Variants in EP300 observed in about 807,000 individuals in gnomAD.
EP300 encodes EP300 lysine acetyltransferase.
A neutral mutation model predicts 264.0 loss-of-function variants in EP300; 31 were observed. The ratio of observed to expected loss-of-function variants is 0.12; its 90% CI spans 0.09 to 0.16. The LOEUF is 0.16. Among genes scored for constraint, EP300 ranks in the 10% least tolerant of loss-of-function variants. The pLI, the probability that EP300 is intolerant of heterozygous loss-of-function variation, is 1.00. For missense variants in EP300, 2,766 were observed against 3,052.9 expected, an observed-to-expected ratio of 0.91 and a Z score of 2.21; for synonymous variants, 1,340 against 1,045.4, an observed-to-expected ratio of 1.28 and a Z score of -5.44.
intron 2 of EP300, among the ~76,000 whole-genome samples, chr22:41,123,985 C>T (rs1348470721): frequency 6.6e-6 from 1 of 152,306 alleles, no homozygotes; most frequent in African/African-American, 2.4e-5. Context: ...CAGTGGCTAA[C>T]GCCTGTAATC....
At chr22:41,103,686 G>T (rs1225133145) in intron 1 of EP300, among the ~76,000 whole-genome samples, 1 of 152,172 alleles carries the variant, frequency 6.6e-6, no homozygotes, top group Non-Finnish European at 1.5e-5. Context: ...TTTCATGGGA[G>T]AGAGATGGGA....
intron 1 of EP300, among the ~76,000 whole-genome samples, chr22:41,096,849 C>G (rs892385206): frequency 6.6e-6 from 1 of 152,082 alleles, no homozygotes; most frequent in South Asian, 2.1e-4. Flanking sequence ...GAACTCCTGA[C>G]CTCAGGTGAT....
Position 41,152,359 on chromosome 22 carries a change from C to T in EP300, c.3142+9C>T, listed in dbSNP as rs760044076. ...ACAGTCAAAGAAAAAGAGTGAGTCTCTGAAGCCATTCGTTCTGGAGGTAGC... is the reference window on the plus strand; with the variant it reads ...ACAGTCAAAGAAAAAGAGTGAGTCTTTGAAGCCATTCGTTCTGGAGGTAGC... On this transcript the variant is annotated intron_variant, in intron 16 of 30. Transcript: ENST00000263253. The T allele has an allele frequency of 4.3e-6, 7 of 1,611,388 alleles. No individual in the cohort carries two copies. Among genetic ancestry groups the T allele is most frequent in the Middle Eastern group, 1.6e-4 (1 of 6,082 alleles).
Position 41,117,490 on chromosome 22 carries a change from C to T in EP300, c.398C>T (p.Ser133Phe), listed in dbSNP as rs2145696919. ...KSPMTQAGLTSPNMGMGTSGP... is the reference protein window; with the variant it reads ...KSPMTQAGLTFPNMGMGTSGP... ...CCAATGACACAGGCAGGCTTGACTT[C>T]TCCCAACATGGGGATGGGCACTAGT... The change falls in exon 2 of 31, where the codon TCT (serine) becomes TTT (phenylalanine). Residue 133 changes from serine (S) to phenylalanine (F), a missense_variant. Physicochemically the swap from Ser to Phe is radical, Grantham distance 155. Transcript: ENST00000263253. The T allele has an allele frequency of 1.2e-6, 2 of 1,613,638 alleles. No individual in the cohort carries two copies. Among genetic ancestry groups the T allele is most frequent in the Non-Finnish European group, 1.7e-6 (2 of 1,179,504 alleles).
intron 20 of EP300, among the ~76,000 whole-genome samples, chr22:41,161,212 T>A (rs553664185): frequency 3.1e-4 from 47 of 152,342 alleles, no homozygotes; most frequent in Admixed American, 2.7e-3. Flanking sequence ...TAGTGAATAA[T>A]AGACTTTAAC....
rs769207085 is a variant in EP300, at chr22:41,117,372, A to G, written c.280A>G (p.Asn94Asp). The G allele has an allele frequency of 8.1e-6, 13 of 1,614,176 alleles. No homozygotes were observed. Among genetic ancestry groups the G allele is most frequent in the Admixed American group, 1.7e-5 (1 of 60,016 alleles). Residue 94 changes from asparagine to aspartate, a missense_variant, in exon 2 of 31, where the codon AAT (asparagine) becomes GAT (aspartate). Asn to Asp is a conservative substitution (Grantham distance 23). Transcript: ENST00000263253. ...GCGATCTGGTAGTTCCCCTAACCTC[A>G]ATATGGGAGTTGGTGGCCCAGGTCA... ...LLRSGSSPNL[N>D]MGVGGPGQVM...
At chr22:41,108,044 G>C (rs2058767657) in intron 1 of EP300, 1 of 151,956 alleles carries the variant, frequency 6.6e-6, no homozygotes, top group Non-Finnish European at 1.5e-5. Context: ...TACATCTGTT[G>C]CAAGGAGCAA....
chr22:41,136,438 C>T (rs1308485290), intron 7 of EP300, among the ~76,000 whole-genome samples: 1 of 152,176 alleles, frequency 6.6e-6, no homozygotes, highest in African/African-American at 2.4e-5. Flanking sequence ...ATAGCCTTAT[C>T]CTGATGTTAA....
chr22:41,108,750 G>A (rs1396516450), intron 1 of EP300, among the ~76,000 whole-genome samples: 1 of 152,186 alleles, frequency 6.6e-6, no homozygotes. Context: ...AAACTACTTG[G>A]TAGAAGCAGC....
Position 41,179,922 on chromosome 22 carries a change from A to G in EP300, c.*966A>G, listed in dbSNP as rs950400251. On this transcript the variant is annotated 3_prime_UTR_variant, in exon 31 of 31. Coordinates refer to ENST00000263253, the MANE Select transcript of EP300 (RefSeq NM_001429.4). ...CACACACACACACACACACACACAC[A>G]CTTTCTATAAAACTTGAAAATAGCA... is the stretch of plus-strand genomic sequence containing the variant. 1.1e-5 allele frequency: 2 copies of G among 175,588 alleles called. No homozygotes were observed. The highest frequency in any genetic ancestry group is 4.5e-4 in the South Asian group (2 of 4,436). 10.9% of individuals were successfully genotyped at this position (175,588 alleles called of 1,614,324 possible).
chr22:41,141,610 C>T (rs947204380), intron 10 of EP300, among the ~76,000 whole-genome samples: 1 of 151,928 alleles, frequency 6.6e-6, no homozygotes, highest in Admixed American at 6.6e-5. Flanking sequence ...CACATAATAT[C>T]ATATTACACT....
chr22:41,160,431 C>CAAAAAAAAAAAA, intron 19 of EP300: 1 of 362,734 alleles, frequency 2.8e-6, no homozygotes, highest in Non-Finnish European at 5.0e-6. Flanking sequence ...AAAAAAAAAA[C>CAAAAAAAAAAAA]AAAAAAAAAC....
rs540344226 is a variant in EP300, at chr22:41,126,403, G to T, written c.906+363G>T. On this transcript the variant is annotated intron_variant, in intron 3 of 30. Coordinates refer to ENST00000263253, the MANE Select transcript of EP300 (RefSeq NM_001429.4). ...CTCTGGCAAAGGATCCGAACTCTCA[G>T]TGACCATATTTACCAATATTATTTG... is the stretch of plus-strand genomic sequence containing the variant. The T allele has an allele frequency of 8.8e-5, 19 of 215,748 alleles. 1 individual carries two copies. The South Asian group carries it at 1.6e-3, about 18-fold the overall frequency. The allele number at this position is 215,748 out of a possible 1,614,324, so 13.4% of individuals were successfully genotyped here. A position where few individuals can be genotyped will look rare whatever the true frequency, so the allele number is the denominator to read the frequency against.
intron 6 of EP300, among the ~76,000 whole-genome samples, chr22:41,135,496 T>G (rs5758243): frequency 0.041 from 6,249 of 152,134 alleles, 427 homozygotes; most frequent in East Asian, 0.21. Context: ...GTTCCCTTTG[T>G]TTTTATTTCT....
chr22:41,160,430 AC>A (rs1394361422), intron 19 of EP300: 35 of 510,210 alleles, frequency 6.9e-5, no homozygotes, highest in Admixed American at 1.0e-4. Flanking sequence ...AAAAAAAAAA[AC>A]AAAAAAAAAC....
intron 23 of EP300, among the ~76,000 whole-genome samples, chr22:41,167,578 GTGTGTGTATATA>G (rs1181875815): frequency 1.8e-3 from 49 of 27,602 alleles, no homozygotes; most frequent in South Asian, 3.3e-3. Context: ...GTGTGTGTGT[GTGTGTGTATATA>G]TATATATATA....
rs575683106 is a variant in EP300 at position 41,141,387 on chromosome 22, G to A, written c.2053+165G>A. 2.0e-5 allele frequency among the ~76,000 whole-genome samples: 3 copies of A among 152,314 alleles called. No individual in the cohort carries two copies. In the South Asian group the frequency reaches 6.2e-4, roughly 32 times the overall value. On this transcript the variant is annotated intron_variant, in intron 10 of 30. Coordinates refer to ENST00000263253, the MANE Select transcript of EP300 (RefSeq NM_001429.4). ...TCATCTACTAGTAAAAACAGAAGCA[G>A]AACAAGTATATTTAAGATGTCTGGG...
intron 1 of EP300, among the ~76,000 whole-genome samples, chr22:41,112,355 A>G (rs2058797036): frequency 6.6e-6 from 1 of 151,580 alleles, no homozygotes. Context: ...ACACCCAGCT[A>G]ATTTTTTGTT....
At chr22:41,165,056 CTT>C (rs1454179610) in intron 22 of EP300, among the ~76,000 whole-genome samples, 2 of 152,086 alleles carry the variant, frequency 1.3e-5, no homozygotes, top group East Asian at 3.9e-4. Context: ...TTTCACTTTT[CTT>C]TTTTTCACCG....
Sources: gnomAD v4.1 joint callset for allele counts (sites outside exome capture counted in the v4.1 genomes callset) on GRCh38, gnomAD v4.1.1 for gene constraint, MANE v1.5 for transcripts, NCBI Gene and HGNC (gene_info 2026-07-23, HGNC 2026-07-21) for gene names.